The following OSBPL9 variants were observed in gnomAD, a reference collection of about 807,000 sequenced individuals.
OSBPL9 encodes oxysterol binding protein like 9.
A neutral mutation model predicts 106.6 loss-of-function variants in OSBPL9; 40 were observed. The ratio of observed to expected loss-of-function variants is 0.38; its 90% confidence interval spans 0.29 to 0.49. OSBPL9 has a LOEUF of 0.49. Among genes scored for constraint, OSBPL9 ranks in the 20% least tolerant of loss-of-function variants. OSBPL9 has a pLI of 0.97. For missense variants in OSBPL9, 609 were observed against 887.2 expected (o/e 0.69, Z 3.98); for synonymous variants, 269 against 295.4 (o/e 0.91, Z 0.92).
intron 1 of OSBPL9, among the ~76,000 whole-genome samples, chr1:51,644,020 C>G (rs1645982667): frequency 7.7e-6 from 1 of 129,840 alleles, no homozygotes; most frequent in Non-Finnish European, 1.5e-5. Context: ...GCAGAGGTTA[C>G]AGTGAGCCAA....
Position 51,776,813 on chromosome 1 carries a change from CAA to C in OSBPL9, c.1171-18_1171-17del, listed in dbSNP as rs1675195082. ...GAAGAGAAATTTGATCTTCAAGGGTCAAATGTGTATGTTTTTCAGGTAGTTCT... is the reference window on the plus strand; with the variant it reads ...GAAGAGAAATTTGATCTTCAAGGGTCATGTGTATGTTTTTCAGGTAGTTCT... On this transcript the variant is annotated intron_variant, in intron 14 of 23. Transcript: ENST00000428468. 3 of 1,515,536 alleles carry C rather than the reference CAA, an allele frequency of 2.0e-6. No homozygotes were observed. The highest frequency in any genetic ancestry group is 1.7e-5 in the Admixed American group (1 of 59,420). 93.9% of individuals were successfully genotyped at this position (1,515,536 alleles called of 1,614,324 possible).
At chr1:51,587,429 C>T (rs1424546094) in intron 1 of OSBPL9, among the ~76,000 whole-genome samples, 1 of 152,170 alleles carries the variant, frequency 6.6e-6, no homozygotes, top group Non-Finnish European at 1.5e-5. Flanking sequence ...ACCTCCATGA[C>T]CATGGCCTCC....
intron 4 of OSBPL9, among the ~76,000 whole-genome samples, chr1:51,715,289 T>A (rs929189743): frequency 6.6e-6 from 1 of 152,234 alleles, no homozygotes; most frequent in Non-Finnish European, 1.5e-5. Flanking sequence ...AGGAAATCTT[T>A]AAGCTACTCT....
the OSBPL9 span, among the ~76,000 whole-genome samples, chr1:51,519,503 C>T: frequency 6.6e-6 from 1 of 152,020 alleles, no homozygotes; most frequent in African/African-American, 2.4e-5. Flanking sequence ...CTTGGAAAAC[C>T]CGGCGCGGAC....
At chr1:51,662,446 G>T (rs1647264203) in intron 2 of OSBPL9, among the ~76,000 whole-genome samples, 2 of 152,166 alleles carry the variant, frequency 1.3e-5, no homozygotes, top group Non-Finnish European at 2.9e-5. Flanking sequence ...ATGATAAGTG[G>T]AAAGGAAGCA....
chr1:51,759,732 T>C (rs1671099992), intron 9 of OSBPL9: 1 of 152,224 alleles, frequency 6.6e-6, no homozygotes, highest in Non-Finnish European at 1.5e-5. Flanking sequence ...AATGCCTTCA[T>C]GCTGTCAGAA....
chr1:51,632,294 A>G (rs1158228812), intron 1 of OSBPL9, among the ~76,000 whole-genome samples: 1 of 152,240 alleles, frequency 6.6e-6, no homozygotes, highest in Non-Finnish European at 1.5e-5. Flanking sequence ...ACATGAGTAC[A>G]GCATCATTAG....
chr1:51,666,486 C>G (rs1284369983), intron 2 of OSBPL9, among the ~76,000 whole-genome samples: 2 of 152,134 alleles, frequency 1.3e-5, no homozygotes, highest in Non-Finnish European at 2.9e-5. Flanking sequence ...AGTCATATTT[C>G]AAATGTTCAG....
chr1:51,786,863 TAA>T (rs1028103444), intron 22 of OSBPL9, among the ~76,000 whole-genome samples: 2 of 152,208 alleles, frequency 1.3e-5, no homozygotes, highest in African/African-American at 4.8e-5. Context: ...AGCCACATCT[TAA>T]CTAACTTTAA....
At chr1:51,711,519 C>A (rs1659909191) in intron 3 of OSBPL9, among the ~76,000 whole-genome samples, 1 of 134,956 alleles carries the variant, frequency 7.4e-6, no homozygotes, top group East Asian at 2.2e-4. Flanking sequence ...GGGCTGACCC[C>A]CCACCTCCCT....
intron 4 of OSBPL9, among the ~76,000 whole-genome samples, chr1:51,721,409 A>C (rs1174607677): frequency 2.0e-5 from 3 of 152,178 alleles, no homozygotes; most frequent in African/African-American, 7.2e-5. Context: ...GACATTGTAA[A>C]ACCTTTTTTT....
In OSBPL9 at chr1:51,669,416, T is replaced by G. The variant is rs756164796; in HGVS notation, c.163-18T>G. ...TGTCATTGTTTGCCTTATTGGGATTTTGCTCTTTGTTTCACAGGGAGCTGT... is the reference window on the plus strand; with the variant it reads ...TGTCATTGTTTGCCTTATTGGGATTGTGCTCTTTGTTTCACAGGGAGCTGT... On this transcript the variant is annotated intron_variant, in intron 2 of 23. Transcript: ENST00000428468. 92 of 1,610,496 alleles carry G rather than the reference T, an allele frequency of 5.7e-5. 1 individual carries two copies. The highest frequency in any genetic ancestry group is 6.6e-5 in the South Asian group (6 of 90,956).
intron 4 of OSBPL9, among the ~76,000 whole-genome samples, chr1:51,721,795 A>G (rs1046369939): frequency 1.3e-5 from 2 of 152,172 alleles, no homozygotes; most frequent in Non-Finnish European, 2.9e-5. Flanking sequence ...TTGTCTCCCA[A>G]AGGAAATGGT....
intron 3 of OSBPL9, among the ~76,000 whole-genome samples, chr1:51,679,692 G>A (rs1195380803): frequency 6.6e-6 from 1 of 152,210 alleles, no homozygotes; most frequent in African/African-American, 2.4e-5. Flanking sequence ...GGTGATGATG[G>A]TACCTGCCCA....
At chr1:51,766,061 A>ATG in intron 12 of OSBPL9, 80 bp downstream of exon 12, 2 of 1,331,344 alleles carry the variant, frequency 1.5e-6, no homozygotes, top group Non-Finnish European at 2.0e-6. Flanking sequence ...ACTAGTGTTA[A>ATG]TGACAGACTT....
At chr1:51,744,472 A>T (rs551800967) in intron 4 of OSBPL9, among the ~76,000 whole-genome samples, 1 of 152,364 alleles carries the variant, frequency 6.6e-6, no homozygotes, top group South Asian at 2.1e-4. Context: ...AAGTGCTTTA[A>T]TGATAAAGTA....
At chr1:51,550,819 C>T in the OSBPL9 span, among the ~76,000 whole-genome samples, 1 of 152,046 alleles carries the variant, frequency 6.6e-6, no homozygotes. Flanking sequence ...TGGCCCCATA[C>T]ATTTAAACAA....
chr1:51,546,215 C>T, the OSBPL9 span, among the ~76,000 whole-genome samples: 1 of 152,048 alleles, frequency 6.6e-6, no homozygotes, highest in African/African-American at 2.4e-5. Flanking sequence ...TGGGGTTTCA[C>T]CATGTTGCCC....
At chr1:51,572,596 T>G (rs370092203), upstream of OSBPL9, among the ~76,000 whole-genome samples, 8 of 152,154 alleles carry the variant, frequency 5.3e-5, no homozygotes, top group East Asian at 1.5e-3. Flanking sequence ...AGCAGCATAG[T>G]CCAGCAGTAA....
Sources: allele counts gnomAD v4.1 joint callset (sites outside exome capture counted in the v4.1 genomes callset), GRCh38; gene constraint gnomAD v4.1.1; transcripts MANE v1.5; gene names NCBI Gene and HGNC (gene_info 2026-07-23, HGNC 2026-07-21).